The following NEGR1 variants were observed in gnomAD, a reference collection of about 807,000 sequenced individuals.
NEGR1 encodes IgLON family member 4.
A neutral mutation model predicts 40.9 loss-of-function variants in NEGR1; 10 were observed. The ratio of observed to expected loss-of-function variants is 0.24; its 90% confidence interval spans 0.15 to 0.42. The LOEUF is 0.42. Ranked by LOEUF, NEGR1 falls within the 10% of genes least tolerant of loss-of-function variation. The probability of loss-of-function intolerance (pLI) is 1.00; values close to 1 mark genes in which losing one functional copy is unlikely to be tolerated. For synonymous variants in NEGR1, 185 were observed against 166.8 expected (o/e 1.11, Z -0.84); for missense variants, 352 against 438.9 (o/e 0.80, Z 1.77).
intron 1 of NEGR1, among the ~76,000 whole-genome samples, chr1:72,028,341 T>C (rs1646829518): frequency 6.6e-6 from 1 of 152,218 alleles, no homozygotes; most frequent in South Asian, 2.1e-4. Flanking sequence ...GTATGAATTA[T>C]ACTTATACTC....
At chr1:71,669,788 T>C (rs1233519189) in intron 4 of NEGR1, among the ~76,000 whole-genome samples, 1 of 152,050 alleles carries the variant, frequency 6.6e-6, no homozygotes, top group Non-Finnish European at 1.5e-5. Flanking sequence ...GTAGCTGGGA[T>C]TACAGGCATG....
At chr1:72,042,803 A>G (rs1350583390) in intron 1 of NEGR1, among the ~76,000 whole-genome samples, 1 of 152,020 alleles carries the variant, frequency 6.6e-6, no homozygotes, top group African/African-American at 2.4e-5. Context: ...ATTTCTGACT[A>G]AATATTACCA....
chr1:71,489,259 T>C (rs181889412), intron 6 of NEGR1, among the ~76,000 whole-genome samples: 1 of 151,918 alleles, frequency 6.6e-6, no homozygotes. Flanking sequence ...CCCAGGTAGA[T>C]TGGAGGTTAT....
intron 1 of NEGR1, among the ~76,000 whole-genome samples, chr1:71,946,973 T>C (rs1451134292): frequency 2.7e-5 from 4 of 150,564 alleles, no homozygotes; most frequent in Non-Finnish European, 4.4e-5. Flanking sequence ...CCTAGCTACT[T>C]AGGAGGTTGA....
intron 1 of NEGR1, among the ~76,000 whole-genome samples, chr1:72,272,769 T>C (rs990032439): frequency 7.2e-5 from 11 of 152,004 alleles, no homozygotes; most frequent in African/African-American, 1.7e-4. Flanking sequence ...ACTGGACCTA[T>C]GTCCAAATGA....
intron 6 of NEGR1, among the ~76,000 whole-genome samples, chr1:71,416,087 GT>G (rs1473183807): frequency 6.6e-6 from 1 of 152,168 alleles, no homozygotes; most frequent in Non-Finnish European, 1.5e-5. Flanking sequence ...AAATCCAGCT[GT>G]GTTCTTAAGG....
intron 1 of NEGR1, among the ~76,000 whole-genome samples, chr1:72,059,968 T>C (rs1256154079): frequency 6.6e-6 from 1 of 151,652 alleles, no homozygotes. Context: ...TCCATGACAG[T>C]GCCTGAAGCC....
intron 6 of NEGR1, among the ~76,000 whole-genome samples, chr1:71,577,155 A>T (rs1320066393): frequency 1.3e-5 from 2 of 152,214 alleles, no homozygotes; most frequent in Non-Finnish European, 2.9e-5. Flanking sequence ...AAAGGATTTT[A>T]ATAGTAATGA....
intron 2 of NEGR1, among the ~76,000 whole-genome samples, chr1:71,790,176 G>A (rs1286084198): frequency 1.3e-5 from 2 of 152,110 alleles, no homozygotes; most frequent in Non-Finnish European, 2.9e-5. Context: ...ATAGAGTTGT[G>A]TGGACAAGTT....
intron 6 of NEGR1, among the ~76,000 whole-genome samples, chr1:71,408,114 G>A (rs894240274): frequency 6.6e-6 from 1 of 151,962 alleles, no homozygotes; most frequent in African/African-American, 2.4e-5. Flanking sequence ...CAGACAAATT[G>A]TGCTTTTAAA....
chr1:72,224,074 T>C (rs897517588), intron 1 of NEGR1, among the ~76,000 whole-genome samples: 1 of 152,094 alleles, frequency 6.6e-6, no homozygotes, highest in Non-Finnish European at 1.5e-5. Context: ...TGCATGACAA[T>C]TGCTTTAATT....
intron 4 of NEGR1, among the ~76,000 whole-genome samples, chr1:71,643,570 T>G (rs1478216389): frequency 6.6e-6 from 1 of 152,012 alleles, no homozygotes; most frequent in African/African-American, 2.4e-5. Context: ...GCAGGATGGA[T>G]AGAGGAATTA....
intron 1 of NEGR1, among the ~76,000 whole-genome samples, chr1:72,195,666 A>G (rs1355947009): frequency 1.3e-5 from 2 of 151,576 alleles, no homozygotes; most frequent in Non-Finnish European, 2.9e-5. Context: ...TTTTGGCTTA[A>G]CAGCCATATA....
intron 6 of NEGR1, among the ~76,000 whole-genome samples, chr1:71,533,110 T>C (rs1339570890): frequency 2.0e-5 from 3 of 151,550 alleles, no homozygotes; most frequent in Non-Finnish European, 4.4e-5. Flanking sequence ...ACTTTGATAT[T>C]AGGCCATCTT....
At chr1:72,273,241 A>C (rs1655909872) in intron 1 of NEGR1, among the ~76,000 whole-genome samples, 1 of 152,010 alleles carries the variant, frequency 6.6e-6, no homozygotes, top group African/African-American at 2.4e-5. Flanking sequence ...TACTTTTTAC[A>C]ATTGAGTTAT....
chr1:71,584,786 G>C (rs542291188), intron 6 of NEGR1, among the ~76,000 whole-genome samples: 1 of 152,256 alleles, frequency 6.6e-6, no homozygotes, highest in East Asian at 1.9e-4. Context: ...ACTGAAGAAA[G>C]ACTCTGTTAA....
At chr1:71,999,678 T>TATACAC (rs1457710237) in intron 1 of NEGR1, among the ~76,000 whole-genome samples, 2 of 49,876 alleles carry the variant, frequency 4.0e-5, no homozygotes, top group Non-Finnish European at 8.2e-5. Flanking sequence ...TATATATATA[T>TATACAC]ACATACATAT....
chr1:71,513,605 C>A (rs1041660936), intron 6 of NEGR1, among the ~76,000 whole-genome samples: 1 of 152,148 alleles, frequency 6.6e-6, no homozygotes, highest in African/African-American at 2.4e-5. Context: ...CTTAAAATAT[C>A]TCAAAGTCCT....
rs1264334792 is a variant in NEGR1, at chr1:72,163,545, T to C, written c.176+118774A>G. ...ACATGAGAATGTAGTTTTAGAACAA[T>C]TTAGTTGTTAAACTAGGCTCAGTAT... On this transcript the variant is annotated intron_variant, in intron 1 of 6. Coordinates refer to ENST00000357731, the MANE Select transcript of NEGR1 (RefSeq NM_173808.3). Among the ~76,000 whole-genome samples, 3 of 152,202 alleles carry C rather than the reference T, an allele frequency of 2.0e-5. No homozygotes were observed. In the South Asian group the frequency reaches 6.2e-4, roughly 32 times the overall value.
Sources: gnomAD v4.1 joint callset for allele counts (sites outside exome capture counted in the v4.1 genomes callset) on GRCh38, gnomAD v4.1.1 for gene constraint, MANE v1.5 for transcripts, NCBI Gene and HGNC (gene_info 2026-07-23, HGNC 2026-07-21) for gene names.